Variants in BEGAIN observed in about 807,000 individuals in gnomAD.
BEGAIN encodes brain enriched guanylate kinase associated, also known as brain-enriched guanylate kinase-associated protein.
Under a neutral mutation model 35.8 loss-of-function variants are expected in BEGAIN, and 19 were observed. The ratio of observed to expected loss-of-function variants is 0.53; its 90% CI spans 0.37 to 0.78. The LOEUF is 0.78. BEGAIN is among the 30% of genes least tolerant of loss of function. The pLI is 0.00. For missense variants in BEGAIN, 795 were observed against 853.6 expected (o/e 0.93, Z 0.85); for synonymous variants, 462 against 388.6 (o/e 1.19, Z -2.22).
At chr14:100,541,976 C>A (rs1173116938) in intron 5 of BEGAIN, among the ~76,000 whole-genome samples, 2 of 152,192 alleles carry the variant, frequency 1.3e-5, no homozygotes, top group African/African-American at 4.8e-5. Context: ...CTGCGAGACA[C>A]CACCTGGGTC....
chr14:100,558,850 C>G lies in BEGAIN; in HGVS notation c.71+9061G>C, dbSNP rs2033990369. ...CTCTCATCTGCTCTCAGCCCGAGAC[C>G]TCCTTGAAACCAACGTCAGACCCAT... On this transcript the variant is annotated intron_variant, in intron 2 of 6. Transcript: ENST00000554140. The surrounding 1 kb of genome is among the most constrained non-coding windows in gnomAD (Gnocchi z 4.6). Among the ~76,000 whole-genome samples the G allele has an allele frequency of 6.6e-6, 1 of 152,222 alleles. No individual in the cohort carries two copies. The highest frequency in any genetic ancestry group is 2.4e-5 in the African/African-American group (1 of 41,458).
At chr14:100,575,943 C>T (rs1253136822) in intron 1 of BEGAIN, among the ~76,000 whole-genome samples, 1 of 152,160 alleles carries the variant, frequency 6.6e-6, no homozygotes, top group Non-Finnish European at 1.5e-5. Flanking sequence ...AGAGGACGGT[C>T]TGCGTGGTAA....
At chr14:100,550,557 G>C in intron 2 of BEGAIN, 1 of 398,792 alleles carries the variant, frequency 2.5e-6, no homozygotes, top group Non-Finnish European at 4.4e-6. Flanking sequence ...GGGGTGGGCA[G>C]GGCTGGGGGC....
In BEGAIN at chr14:100,538,142, G is replaced by T; in HGVS notation, c.1666C>A (p.Pro556Thr). 1.3e-6 allele frequency: 2 copies of T among 1,537,710 alleles called. No homozygotes were observed. Among genetic ancestry groups the T allele is most frequent in the African/African-American group, 1.4e-5 (1 of 72,620 alleles). The change falls in exon 7 of 7, where the codon CCC becomes ACC. Residue 556 changes from proline (P) to threonine (T), a missense_variant. Physicochemically the swap from Pro to Thr is conservative, Grantham distance 38 (BLOSUM62 -1). Transcript: ENST00000554140. ...AAGGAGTCCCTGGAACCCTGCTCGG[G>T]CTCAGGGCTGCTGGCGGTCCCACAC... Reference protein sequence around the residue: ...QLCGTASSPEPEQGSRDSLEP... With the variant: ...QLCGTASSPETEQGSRDSLEP...
At chr14:100,559,918 C>T (rs990278809) in intron 2 of BEGAIN, among the ~76,000 whole-genome samples, 2 of 152,214 alleles carry the variant, frequency 1.3e-5, no homozygotes, top group Non-Finnish European at 2.9e-5. Flanking sequence ...GCGCCGGGGC[C>T]GAGGAGAGAG....
intron 2 of BEGAIN, 70 bp from the exon 3 acceptor site, chr14:100,546,732 C>T (rs1022181456): frequency 2.1e-6 from 3 of 1,413,984 alleles, no homozygotes; most frequent in African/African-American, 1.5e-5. Flanking sequence ...CGCAGGCCAG[C>T]CGGGGCGTGC....
chr14:100,559,100 C>T (rs1224132866), intron 2 of BEGAIN, among the ~76,000 whole-genome samples: 3 of 152,114 alleles, frequency 2.0e-5, no homozygotes, highest in Admixed American at 1.3e-4. Context: ...CCAAGGAGCT[C>T]GGGAAGTTGG....
chr14:100,543,207 C>T (rs930163960), intron 5 of BEGAIN, among the ~76,000 whole-genome samples: 5 of 152,208 alleles, frequency 3.3e-5, no homozygotes, highest in African/African-American at 9.6e-5. Flanking sequence ...TACCGTTCTT[C>T]GCTTTCTGTT....
chr14:100,554,128 G>A (rs2033475464), intron 2 of BEGAIN, among the ~76,000 whole-genome samples: 2 of 152,222 alleles, frequency 1.3e-5, no homozygotes, highest in Non-Finnish European at 2.9e-5. Context: ...AGGGCCCCTG[G>A]TGTCAGGAGG....
intron 1 of BEGAIN, among the ~76,000 whole-genome samples, chr14:100,582,464 C>G (rs1210411655): frequency 1.3e-5 from 2 of 152,208 alleles, no homozygotes; most frequent in Non-Finnish European, 2.9e-5. Context: ...TTATTATTCC[C>G]CTTTTGCAGT....
rs1250227342 is a variant in BEGAIN, at chr14:100,538,005, G to A, written c.1803C>T (p.Leu601=). 3 of 1,609,626 alleles carry A rather than the reference G, an allele frequency of 1.9e-6. No homozygotes were observed. In the African/African-American group the frequency reaches 4.0e-5, roughly 22 times the overall value. The change falls in exon 7 of 7, where the codon CTC becomes CTT. Residue 601 remains leucine (L), a synonymous_variant. Coordinates refer to ENST00000554140, the MANE Select transcript of BEGAIN (RefSeq NM_001385089.1). The stretch of plus-strand genomic sequence containing the variant: ...AGGTTCCGTAGAGCTGGGCCTTGGT[G>A]AGGCTGTCCTTGCGGCTCAGCCCCG... ...GGSGLSRKDS[L]TKAQLYGTLL... is the part of the protein sequence containing the mutation.
intron 3 of BEGAIN, among the ~76,000 whole-genome samples, chr14:100,545,737 C>T (rs944986844): frequency 1.3e-5 from 2 of 152,218 alleles, no homozygotes; most frequent in African/African-American, 2.4e-5. Flanking sequence ...TGAGGTCTGA[C>T]TGCACTGCCC....
chr14:100,568,330 C>T lies in BEGAIN; in HGVS notation c.43-391G>A, dbSNP rs1385692201. 7.6e-6 allele frequency: 7 copies of T among 923,728 alleles called. No homozygotes were observed. Among genetic ancestry groups the T allele is most frequent in the African/African-American group, 1.7e-5 (1 of 57,922 alleles). 57.2% of individuals were successfully genotyped at this position (923,728 alleles called of 1,614,324 possible). On this transcript the variant is annotated intron_variant, in intron 1 of 6. Transcript: ENST00000554140. This position sits in a 1 kb window ranked among gnomAD's most constrained non-coding sequence, Gnocchi z 7.5. Reference sequence around the variant, plus strand: ...GCTCCCCCCGCCCCGCCCGTTAACCCTTCCTGCCCCGCGCTCCCTCCCGGA... The same window carrying T: ...GCTCCCCCCGCCCCGCCCGTTAACCTTTCCTGCCCCGCGCTCCCTCCCGGA...
chr14:100,539,435 G>C (rs926554136), intron 6 of BEGAIN, 120 bp from the exon 7 acceptor site: 14 of 1,443,674 alleles, frequency 9.7e-6, no homozygotes, highest in African/African-American at 1.4e-5. Flanking sequence ...ACAGACGAAC[G>C]GGGGCCTCCC....
intron 2 of BEGAIN, among the ~76,000 whole-genome samples, chr14:100,556,292 T>A (rs932348868): frequency 2.0e-5 from 3 of 151,988 alleles, no homozygotes; most frequent in Admixed American, 6.5e-5. Context: ...ATGCAGCAGG[T>A]AATGTTTCAT....
chr14:100,577,738 A>ATC (rs2035232608), intron 1 of BEGAIN: 1 of 398,996 alleles, frequency 2.5e-6, no homozygotes, highest in Non-Finnish European at 4.4e-6. Flanking sequence ...CACCCGGGCC[A>ATC]TCTCCTGGCT....
chr14:100,583,281 T>C (rs1315204498), intron 1 of BEGAIN, among the ~76,000 whole-genome samples: 2 of 152,126 alleles, frequency 1.3e-5, no homozygotes, highest in African/African-American at 4.8e-5. Flanking sequence ...TATACACTCA[T>C]CACCTATCCA....
chr14:100,577,322 A>T (rs559944002), intron 1 of BEGAIN: 4 of 398,770 alleles, frequency 1.0e-5, no homozygotes, highest in Non-Finnish European at 1.8e-5. Flanking sequence ...CGACCTGGAG[A>T]CCTCCAAGGG....
In BEGAIN at chr14:100,573,921, C is replaced by T. The variant is rs536145985; in HGVS notation, c.43-5982G>A. Among the ~76,000 whole-genome samples the T allele has an allele frequency of 6.4e-4, 91 of 142,710 alleles. 1 individual carries two copies. In the South Asian group the frequency reaches 0.014, roughly 21 times the overall value. The allele number at this position is 142,710 out of a possible 152,430, so 93.6% of individuals were successfully genotyped here. On this transcript the variant is annotated intron_variant, in intron 1 of 6. Coordinates refer to ENST00000554140, the MANE Select transcript of BEGAIN (RefSeq NM_001385089.1). This position sits in a 1 kb window ranked among gnomAD's most constrained non-coding sequence, Gnocchi z 4.2. ...TTGGGGATCAGGAGGTGAGCAGGAC[C>T]GGCCAAGGAGACTGGGAAAGGGTGG... is the stretch of plus-strand genomic sequence containing the variant.
Sources: gnomAD v4.1 joint callset for allele counts (sites outside exome capture counted in the v4.1 genomes callset) on GRCh38, gnomAD v4.1.1 for gene constraint, Gnocchi (gnomAD v3.1) non-coding constraint, MANE v1.5 for transcripts, NCBI Gene and HGNC (gene_info 2026-07-23, HGNC 2026-07-21) for gene names.